MAPT: variants seen among roughly 807,000 people sequenced by gnomAD.
The protein encoded by MAPT is microtubule-associated protein tau.
In MAPT, 34 loss-of-function variants were observed where a neutral mutation model predicts 67.9. The ratio of observed to expected loss-of-function variants is 0.50; its 90% CI spans 0.38 to 0.67. The LOEUF is 0.67. Among genes scored for constraint, MAPT ranks in the 30% least tolerant of loss-of-function variants. The pLI is 0.00. For synonymous variants in MAPT, 456 were observed against 464.5 expected (o/e 0.98, Z 0.23); for missense variants, 881 against 1,115.2 (o/e 0.79, Z 2.99).
intron 9 of MAPT, among the ~76,000 whole-genome samples, chr17:46,004,758 G>T (rs2075289544): frequency 6.6e-6 from 1 of 151,996 alleles, no homozygotes; most frequent in Admixed American, 6.6e-5. Flanking sequence ...AAAGCCACAT[G>T]GAAAAAAAAT....
chr17:45,939,709 CAT>C (rs2067684350), intron 1 of MAPT, among the ~76,000 whole-genome samples: 1 of 152,216 alleles, frequency 6.6e-6, no homozygotes, highest in Middle Eastern at 3.4e-3. Flanking sequence ...AACAGATAAT[CAT>C]GTGTGTGATG....
At chr17:45,937,124 C>T (rs760060541) in intron 1 of MAPT, among the ~76,000 whole-genome samples, 1 of 152,210 alleles carries the variant, frequency 6.6e-6, no homozygotes, top group Non-Finnish European at 1.5e-5. Flanking sequence ...CCCTCCAGCA[C>T]AGGCCAATGT....
intron 6 of MAPT, among the ~76,000 whole-genome samples, chr17:45,988,832 C>T (rs1010568925): frequency 7.2e-5 from 11 of 152,068 alleles, no homozygotes; most frequent in African/African-American, 2.7e-4. Flanking sequence ...CTGCAGTGAG[C>T]CGTGATGGCA....
In MAPT at chr17:45,995,602, C is replaced by G. The variant is rs1003415052; in HGVS notation, c.1733-797C>G. Among the ~76,000 whole-genome samples, 4 of 152,190 alleles carry G rather than the reference C, an allele frequency of 2.6e-5. No individual in the cohort carries two copies. Among genetic ancestry groups the G allele is most frequent in the Non-Finnish European group, 4.4e-5 (3 of 68,032 alleles). On this transcript the variant is annotated intron_variant, in intron 8 of 12. Transcript: ENST00000262410. The surrounding 1 kb of genome is among the most constrained non-coding windows in gnomAD (Gnocchi z 4.3). ...CACCCAGAGGAGGGAGGGACAGCAT[C>G]TGCATGGAGAGGAGAAGAGACCCCC...
chr17:45,926,176 A>G (rs188165961), intron 1 of MAPT, among the ~76,000 whole-genome samples: 14 of 152,000 alleles, frequency 9.2e-5, no homozygotes, highest in South Asian at 6.2e-4. Context: ...GTGCCACTGC[A>G]CTCTAGTCTG....
At chr17:45,982,705 C>T (rs1356022527) in intron 4 of MAPT, among the ~76,000 whole-genome samples, 161 bp from the exon 5 acceptor site, 1 of 152,122 alleles carries the variant, frequency 6.6e-6, no homozygotes, top group Admixed American at 6.5e-5. Flanking sequence ...TCATTCCAAG[C>T]AAGCAAAGGC....
At chr17:45,919,578 C>T (rs892524871) in intron 1 of MAPT, among the ~76,000 whole-genome samples, 3 of 152,184 alleles carry the variant, frequency 2.0e-5, no homozygotes, top group Non-Finnish European at 4.4e-5. Context: ...CACTGCTGGG[C>T]GCAGAGTGGA....
rs553443163 is a variant in MAPT, at chr17:46,007,411, C to T, written c.1999-2899C>T. ...CCGAGGCAGGAGGATTGCTTGAGCC[C>T]AGGAGTTTAAGGCTGCAGTGAGCTA... On this transcript the variant is annotated intron_variant, in intron 9 of 12. Transcript: ENST00000262410. Among the ~76,000 whole-genome samples, 15 of 152,182 alleles carry T rather than the reference C, an allele frequency of 9.9e-5. No individual in the cohort carries two copies. The East Asian group carries it at 2.7e-3, about 27-fold the overall frequency.
intron 9 of MAPT, among the ~76,000 whole-genome samples, chr17:46,005,636 G>A (rs1208055898): frequency 6.6e-6 from 1 of 152,078 alleles, no homozygotes; most frequent in Non-Finnish European, 1.5e-5. Flanking sequence ...GTTTATGTGG[G>A]ATTCCTTAAA....
Position 45,996,742 on chromosome 17 carries a change from T to C in MAPT, c.1998+78T>C. On this transcript the variant is annotated intron_variant, in intron 9 of 12. Transcript: ENST00000262410. The surrounding 1 kb of genome is among the most constrained non-coding windows in gnomAD (Gnocchi z 4.5). ...AGGGCTGTGCCTGGAAGGGTAGGGC[T>C]GCGCCTGGAGGTGCGCGGTTGAGCG... 1 of 1,574,522 alleles carries C rather than the reference T, an allele frequency of 6.4e-7. No individual in the cohort carries two copies. Among genetic ancestry groups the C allele is most frequent in the Non-Finnish European group, 8.6e-7 (1 of 1,159,522 alleles).
rs182290815 is a variant in MAPT, at chr17:45,962,654, G to A, written c.133+184G>A. Among the ~76,000 whole-genome samples the A allele has an allele frequency of 2.6e-5, 4 of 152,300 alleles. No individual in the cohort carries two copies. The East Asian group carries it at 5.8e-4, about 22-fold the overall frequency. ...AAGCAGTGAGATAATGGCCAGACAC[G>A]GTGGCTCACGCCTGTAATCCCAGCA... is the stretch of plus-strand genomic sequence containing the variant. On this transcript the variant is annotated intron_variant, in intron 2 of 12. Transcript: ENST00000262410.
intron 1 of MAPT, among the ~76,000 whole-genome samples, chr17:45,956,548 TTATATATATATATATATATATATA>T (rs57223421): frequency 0.034 from 3,237 of 95,210 alleles, 138 homozygotes; most frequent in African/African-American, 0.087. Flanking sequence ...GCAGGTTCTT[TTATATATATATATATATATATATA>T]TATATATATA....
intron 1 of MAPT, among the ~76,000 whole-genome samples, chr17:45,935,766 G>C (rs2067264403): frequency 6.6e-6 from 1 of 152,118 alleles, no homozygotes; most frequent in African/African-American, 2.4e-5. Flanking sequence ...TTAGCACAGA[G>C]GAGGCTGTTT....
chr17:45,948,248 TG>T (rs2068702407), intron 1 of MAPT, among the ~76,000 whole-genome samples: 1 of 152,150 alleles, frequency 6.6e-6, no homozygotes, highest in South Asian at 2.1e-4. Flanking sequence ...TCAAGTGATC[TG>T]CCCACCTTGG....
chr17:45,972,201 G>C, intron 3 of MAPT: 4 of 658,528 alleles, frequency 6.1e-6, no homozygotes, highest in South Asian at 6.0e-5. Flanking sequence ...GCTCCACAAA[G>C]CCCCGCTCCA....
intron 1 of MAPT, among the ~76,000 whole-genome samples, chr17:45,921,468 T>A (rs369661382): frequency 6.6e-6 from 1 of 152,050 alleles, no homozygotes; most frequent in African/African-American, 2.4e-5. Flanking sequence ...CAGGACAGCA[T>A]CCCCTGGAAG....
chr17:45,993,613 C>G (rs1289968578), intron 8 of MAPT, among the ~76,000 whole-genome samples: 1 of 152,236 alleles, frequency 6.6e-6, no homozygotes, highest in African/African-American at 2.4e-5. Context: ...AGGGTTTCAC[C>G]ATTTTGGCCA....
chr17:45,914,068 T>A (rs771117509), intron 1 of MAPT, among the ~76,000 whole-genome samples: 41 of 151,882 alleles, frequency 2.7e-4, no homozygotes, highest in Non-Finnish European at 5.9e-4. Flanking sequence ...GGAGGAGGGA[T>A]TTAACATGAA....
intron 1 of MAPT, among the ~76,000 whole-genome samples, chr17:45,935,073 G>A (rs1052585390): frequency 1.7e-4 from 26 of 152,274 alleles, no homozygotes; most frequent in Non-Finnish European, 3.4e-4. Flanking sequence ...TCTGGGGAGG[G>A]CTGCTATATC....
Sources: gnomAD v4.1 joint callset for allele counts (sites outside exome capture counted in the v4.1 genomes callset) on GRCh38, gnomAD v4.1.1 for gene constraint, Gnocchi (gnomAD v3.1) non-coding constraint, MANE v1.5 for transcripts, NCBI Gene and HGNC (gene_info 2026-07-23, HGNC 2026-07-21) for gene names.